Variants in ARHGEF10 observed in about 807,000 individuals in gnomAD.
ARHGEF10 encodes the protein Rho guanine nucleotide exchange factor 10, also known as Rho guanine nucleotide exchange factor (GEF) 10.
A neutral mutation model predicts 147.4 loss-of-function variants in ARHGEF10; 140 were observed. The ratio of observed to expected loss-of-function variants is 0.95; its 90% CI spans 0.83 to 1.09. ARHGEF10 has a LOEUF of 1.09. Among genes scored for constraint, ARHGEF10 ranks in the 50% least tolerant of loss-of-function variants. The probability of loss-of-function intolerance (pLI) is 0.00; values close to 1 mark genes in which losing one functional copy is unlikely to be tolerated. For missense variants in ARHGEF10, 2,222 were observed against 1,752.7 expected, an observed-to-expected ratio of 1.27 and a Z score of -4.78; for synonymous variants, 902 against 695.8, an observed-to-expected ratio of 1.30 and a Z score of -4.67.
intron 1 of ARHGEF10, among the ~76,000 whole-genome samples, chr8:1,826,961 G>A (rs1265967433): frequency 6.6e-6 from 1 of 152,238 alleles, no homozygotes; most frequent in African/African-American, 2.4e-5. Context: ...AATTTTGGAA[G>A]GTTCTGGGAG....
rs1809723689 is a variant in ARHGEF10, at chr8:1,893,587, C to G, written c.1201C>G (p.Leu401Val). The G allele has an allele frequency of 6.2e-7, 1 of 1,613,382 alleles. No individual in the cohort carries two copies. The highest frequency in any genetic ancestry group is 8.5e-7 in the Non-Finnish European group (1 of 1,179,482). The change falls in exon 12 of 29, where the codon CTG becomes GTG. Residue 401 changes from leucine (L) to valine (V), a missense_variant. Leu to Val is a conservative substitution (Grantham distance 32). Coordinates refer to ENST00000349830, the MANE Select transcript of ARHGEF10 (RefSeq NM_014629.4). ...SQQQVVRRYI[L>V]GSVVDSEKNY... ...CCAACAGGTTGTAAGAAGATATATA[C>G]TGGGTTCAGTTGTCGACAGTGAAAA...
intron 4 of ARHGEF10, among the ~76,000 whole-genome samples, chr8:1,862,990 G>A (rs1482611714): frequency 1.3e-5 from 2 of 151,748 alleles, no homozygotes; most frequent in Non-Finnish European, 2.9e-5. Context: ...TCACCATGTT[G>A]ACCAGGATGG....
chr8:1,924,017 T>C (rs142090907), intron 21 of ARHGEF10, 143 bp downstream of exon 21: 135 of 836,978 alleles, frequency 1.6e-4, no homozygotes, highest in Non-Finnish European at 2.5e-4. Flanking sequence ...ACAGGAAAAT[T>C]CACCCTGGCA....
chr8:1,938,836 GA>G (rs1813836599), intron 26 of ARHGEF10, among the ~76,000 whole-genome samples: 1 of 152,042 alleles, frequency 6.6e-6, no homozygotes, highest in Admixed American at 6.5e-5. Context: ...GAACACTGTG[GA>G]ATCTCAGTCC....
intron 26 of ARHGEF10, among the ~76,000 whole-genome samples, chr8:1,940,127 G>T (rs1813966956): frequency 6.6e-6 from 1 of 152,188 alleles, no homozygotes; most frequent in African/African-American, 2.4e-5. Context: ...GATTGTGATT[G>T]TGAAAGAGTC....
intron 2 of ARHGEF10, among the ~76,000 whole-genome samples, chr8:1,857,257 C>A (rs1805619002): frequency 6.6e-6 from 1 of 152,006 alleles, no homozygotes. Flanking sequence ...GAGAAGAATT[C>A]TAGGGAGAGA....
At chr8:1,955,265 G>A (rs1284983575) in intron 28 of ARHGEF10, among the ~76,000 whole-genome samples, 4 of 149,378 alleles carry the variant, frequency 2.7e-5, no homozygotes, top group Non-Finnish European at 5.9e-5. Context: ...ATAGCCAGGT[G>A]CATCCTGGAA....
chr8:1,901,347 G>C (rs759105882), intron 15 of ARHGEF10, among the ~76,000 whole-genome samples: 1 of 152,098 alleles, frequency 6.6e-6, no homozygotes, highest in African/African-American at 2.4e-5. Flanking sequence ...TCTTGCCTGC[G>C]TTCTTCCTGG....
Position 1,885,593 on chromosome 8 carries a change from T to A in ARHGEF10, c.1076-8T>A, listed in dbSNP as rs776318607. On this transcript the variant is annotated splice_region_variant and splice_polypyrimidine_tract_variant and intron_variant, in intron 10 of 28. Transcript: ENST00000349830. ...GTAAAATTCATGCATTTTGACTTTT[T>A]TTTTAAGATCACAGATCTTCTCTTG... 3.1e-6 allele frequency: 5 copies of A among 1,602,048 alleles called. No individual in the cohort carries two copies. Among genetic ancestry groups the A allele is most frequent in the Admixed American group, 3.3e-5 (2 of 59,994 alleles).
At chr8:1,885,825 G>GGGCCCTCCACTGTAGGTTCCT (rs1310536142) in intron 11 of ARHGEF10, 118 bp downstream of exon 11, 1 of 815,788 alleles carries the variant, frequency 1.2e-6, no homozygotes, top group Non-Finnish European at 2.1e-6. Context: ...GCATCCACTC[G>GGGCCCTCCACTGTAGGTTCCT]GGCCCTCCAC....
At chr8:1,955,349 C>G (rs75855368) in intron 28 of ARHGEF10, among the ~76,000 whole-genome samples, 10,427 of 83,042 alleles carry the variant, frequency 0.13, 21 homozygotes, top group East Asian at 0.26. Flanking sequence ...CACTGTGTTT[C>G]TCTGGATGGG....
chr8:1,842,034 G>A (rs890610046), intron 1 of ARHGEF10, among the ~76,000 whole-genome samples: 296 of 101,230 alleles, frequency 2.9e-3, no homozygotes, highest in Non-Finnish European at 4.9e-3. Context: ...TGGGGCCGCG[G>A]CGGGAACTGG....
intron 26 of ARHGEF10, among the ~76,000 whole-genome samples, chr8:1,940,726 A>G (rs1814020903): frequency 6.6e-6 from 1 of 152,224 alleles, no homozygotes; most frequent in African/African-American, 2.4e-5. Context: ...TCCTCAACGG[A>G]AGACTTGCAA....
intron 1 of ARHGEF10, among the ~76,000 whole-genome samples, chr8:1,840,659 G>T (rs972876272): frequency 6.6e-6 from 1 of 151,656 alleles, no homozygotes; most frequent in Non-Finnish European, 1.5e-5. Flanking sequence ...ACTGTCCGGT[G>T]TGGGGACTGT....
At chr8:1,882,597 G>T in intron 9 of ARHGEF10, 38 bp from the exon 10 acceptor site, 1 of 1,522,394 alleles carries the variant, frequency 6.6e-7, no homozygotes, top group Non-Finnish European at 8.9e-7. Flanking sequence ...GGTGGGTTCT[G>T]CCGCCGTCCC....
At chr8:1,843,858 G>A (rs1804290123) in intron 2 of ARHGEF10, among the ~76,000 whole-genome samples, 2 of 152,156 alleles carry the variant, frequency 1.3e-5, no homozygotes, top group Middle Eastern at 3.2e-3. Flanking sequence ...TCCTCTGAGC[G>A]GCCGCTCAGG....
At chr8:1,900,131 G>A (rs1055153155) in intron 15 of ARHGEF10, among the ~76,000 whole-genome samples, 1 of 152,182 alleles carries the variant, frequency 6.6e-6, no homozygotes, top group Non-Finnish European at 1.5e-5. Context: ...TTTCAAACAA[G>A]CTTGTTAGGT....
chr8:1,889,460 G>C (rs1286294434), intron 11 of ARHGEF10, among the ~76,000 whole-genome samples: 22 of 68,056 alleles, frequency 3.2e-4, no homozygotes, highest in African/African-American at 1.7e-3. Context: ...GTGGGGTGAG[G>C]GGTCTGTGAG....
At chr8:1,922,336 T>C (rs917204497) in intron 18 of ARHGEF10, among the ~76,000 whole-genome samples, 2 of 152,016 alleles carry the variant, frequency 1.3e-5, no homozygotes, top group African/African-American at 2.4e-5. Context: ...ACCCCAGTTA[T>C]TGGAAATGTG....
Sources: gnomAD v4.1 joint callset for allele counts (sites outside exome capture counted in the v4.1 genomes callset) on GRCh38, gnomAD v4.1.1 for gene constraint, MANE v1.5 for transcripts, NCBI Gene and HGNC (gene_info 2026-07-23, HGNC 2026-07-21) for gene names.